SH3GL2: variants seen among roughly 807,000 people sequenced by gnomAD.
The protein encoded by SH3GL2 is endophilin-A1.
A neutral mutation model predicts 46.0 loss-of-function variants in SH3GL2; 24 were observed. That is an observed-to-expected ratio of 0.52 (90% CI 0.38 to 0.73). SH3GL2 has a LOEUF of 0.73. SH3GL2 is among the 30% of genes least tolerant of loss of function. The pLI is 0.00. For synonymous variants in SH3GL2, 196 were observed against 147.1 expected, an observed-to-expected ratio of 1.33 and a Z score of -2.40; for missense variants, 413 against 424.2, an observed-to-expected ratio of 0.97 and a Z score of 0.23.
intron 1 of SH3GL2, among the ~76,000 whole-genome samples, chr9:17,579,906 GGCATGACAAACA>G (rs1332559862): frequency 6.6e-6 from 1 of 152,144 alleles, no homozygotes; most frequent in Non-Finnish European, 1.5e-5. Flanking sequence ...TTGAGGCCAG[GGCATGACAAACA>G]GTCTGCGGGT....
At chr9:17,704,388 G>A (rs1024874779) in intron 1 of SH3GL2, among the ~76,000 whole-genome samples, 1 of 151,884 alleles carries the variant, frequency 6.6e-6, no homozygotes, top group Non-Finnish European at 1.5e-5. Flanking sequence ...CAGATTTAAT[G>A]CCATTCCTAT....
chr9:17,613,162 G>T (rs1818907657), intron 1 of SH3GL2, among the ~76,000 whole-genome samples: 1 of 152,168 alleles, frequency 6.6e-6, no homozygotes, highest in Non-Finnish European at 1.5e-5. Context: ...ATTTCTTAGT[G>T]TGACCATTGC....
chr9:17,707,342 T>C (rs1188737672), intron 1 of SH3GL2, among the ~76,000 whole-genome samples: 5 of 152,018 alleles, frequency 3.3e-5, no homozygotes, highest in Non-Finnish European at 7.4e-5. Context: ...AGAACACGGT[T>C]GTAATCTCAC....
intron 1 of SH3GL2, among the ~76,000 whole-genome samples, chr9:17,745,113 C>T (rs1822643543): frequency 6.6e-6 from 1 of 152,180 alleles, no homozygotes; most frequent in South Asian, 2.1e-4. Context: ...GCAACCCTCT[C>T]TTTTCTCATC....
intron 2 of SH3GL2, among the ~76,000 whole-genome samples, chr9:17,750,191 T>G (rs563817062): frequency 6.6e-6 from 1 of 152,276 alleles, no homozygotes; most frequent in South Asian, 2.1e-4. Flanking sequence ...GTTAATTGAT[T>G]ATTCACACAA....
At chr9:17,677,693 A>AT (rs1156499803) in intron 1 of SH3GL2, among the ~76,000 whole-genome samples, 1 of 151,980 alleles carries the variant, frequency 6.6e-6, no homozygotes, top group African/African-American at 2.4e-5. Flanking sequence ...GGTTTGTTAC[A>AT]TATGTATACA....
chr9:17,740,119 A>G (rs1822481824), intron 1 of SH3GL2, among the ~76,000 whole-genome samples: 1 of 152,160 alleles, frequency 6.6e-6, no homozygotes, highest in African/African-American at 2.4e-5. Context: ...AATTTTCTTA[A>G]ATATACAATT....
chr9:17,643,887 G>T (rs1447510190), intron 1 of SH3GL2, among the ~76,000 whole-genome samples: 1 of 152,150 alleles, frequency 6.6e-6, no homozygotes, highest in Non-Finnish European at 1.5e-5. Context: ...CTGTTGTTTG[G>T]AATAGTTTCA....
intron 1 of SH3GL2, among the ~76,000 whole-genome samples, chr9:17,706,687 A>G (rs184794374): frequency 1.8e-4 from 28 of 152,154 alleles, no homozygotes; most frequent in African/African-American, 6.5e-4. Context: ...AAAGATTTGT[A>G]TCTTATTTTT....
chr9:17,688,400 A>G (rs1357021775), intron 1 of SH3GL2, among the ~76,000 whole-genome samples: 1 of 152,136 alleles, frequency 6.6e-6, no homozygotes, highest in Non-Finnish European at 1.5e-5. Context: ...AAGAGAAGTA[A>G]CGTACTGTTT....
In SH3GL2 at chr9:17,746,391, C is replaced by T. The variant is rs140325369; in HGVS notation, c.46-675C>T. 1.3e-3 allele frequency among the ~76,000 whole-genome samples: 197 copies of T among 152,240 alleles called. 2 individuals carry two copies. In the East Asian group the frequency reaches 0.03, roughly 23 times the overall value. ...GCGCCCGGCCCTAATTTTTTATGAA[C>T]ATGAATTTTACATGTGGTTAGTGAC... On this transcript the variant is annotated intron_variant, in intron 1 of 8. Transcript: ENST00000380607.
intron 1 of SH3GL2, among the ~76,000 whole-genome samples, chr9:17,666,849 C>G (rs1588218232): frequency 6.6e-6 from 1 of 152,058 alleles, no homozygotes; most frequent in African/African-American, 2.4e-5. Context: ...TCCATAAAGG[C>G]TGTACCAGTT....
intron 1 of SH3GL2, among the ~76,000 whole-genome samples, chr9:17,669,645 A>G (rs747933015): frequency 6.6e-6 from 1 of 152,142 alleles, no homozygotes; most frequent in Non-Finnish European, 1.5e-5. Context: ...ACCAGTTTGT[A>G]TAATTGTTTA....
At chr9:17,723,761 C>A (rs1296216997) in intron 1 of SH3GL2, among the ~76,000 whole-genome samples, 1 of 151,960 alleles carries the variant, frequency 6.6e-6, no homozygotes. Flanking sequence ...TTTTTTTTCT[C>A]TCTCCCAGAG....
At chr9:17,612,209 G>C (rs1588172394) in intron 1 of SH3GL2, among the ~76,000 whole-genome samples, 2 of 152,200 alleles carry the variant, frequency 1.3e-5, no homozygotes, top group East Asian at 3.9e-4. Flanking sequence ...AACAGGAACA[G>C]AAGGCACAGA....
intron 1 of SH3GL2, among the ~76,000 whole-genome samples, chr9:17,635,440 T>C (rs1276002338): frequency 6.6e-6 from 1 of 152,210 alleles, no homozygotes; most frequent in Non-Finnish European, 1.5e-5. Flanking sequence ...AAAGAATATT[T>C]GAGCATTTCT....
At position 17,593,196 on chromosome 9, in the gene SH3GL2, T is replaced by C. The variant is rs1818516060; in HGVS notation, c.45+13909T>C. On this transcript the variant is annotated intron_variant, in intron 1 of 8. Transcript: ENST00000380607. The stretch of plus-strand genomic sequence containing the variant: ...TAAGTAAGTGTTTCCCTGAGTTCCG[T>C]GTGCTGCTCTGGCAAATTAGTTGAA... Among the ~76,000 whole-genome samples the C allele has an allele frequency of 2.0e-5, 3 of 152,230 alleles. No homozygotes were observed. In the South Asian group the frequency reaches 6.2e-4, roughly 31 times the overall value.
intron 8 of SH3GL2, among the ~76,000 whole-genome samples, chr9:17,795,102 A>T (rs1014566441): frequency 1.3e-5 from 2 of 152,212 alleles, no homozygotes; most frequent in Non-Finnish European, 2.9e-5. Flanking sequence ...GTAATTCACC[A>T]TACTTTTTCA....
At chr9:17,638,425 A>G (rs906457486) in intron 1 of SH3GL2, among the ~76,000 whole-genome samples, 1 of 152,222 alleles carries the variant, frequency 6.6e-6, no homozygotes, top group Non-Finnish European at 1.5e-5. Flanking sequence ...TCTTACTTAC[A>G]GTAGAGAGAG....
Sources: gnomAD v4.1 joint callset for allele counts (sites outside exome capture counted in the v4.1 genomes callset) on GRCh38, gnomAD v4.1.1 for gene constraint, MANE v1.5 for transcripts, NCBI Gene and HGNC (gene_info 2026-07-23, HGNC 2026-07-21) for gene names.